TMEM200C: variants seen among roughly 807,000 people sequenced by gnomAD.
TMEM200C encodes the protein transmembrane protein 200C.
For missense variants in TMEM200C, 966 were observed against 699.9 expected (o/e 1.38, Z -4.29); for synonymous variants, 462 against 324.7 (o/e 1.42, Z -4.55).
At position 5,888,320 on chromosome 18, in the gene TMEM200C, C is replaced by G. The variant is rs142032717; in HGVS notation, c.*1878G>C. 384 of 152,300 alleles carry G rather than the reference C, an allele frequency of 2.5e-3. 3 individuals are homozygous for G. Among genetic ancestry groups the G allele is most frequent in the African/African-American group, 8.5e-3 (355 of 41,550 alleles). 9.4% of individuals were successfully genotyped at this position (152,300 alleles called of 1,614,324 possible). ...TAGAAGAGCCCAATATATTAATCTA[C>G]AGCCTTAAAGTGAGTTACCGGTTTA... On this transcript the variant is annotated 3_prime_UTR_variant, in exon 3 of 3. Coordinates refer to ENST00000581347, the Ensembl canonical transcript of TMEM200C.
chr18:5,891,354 G>T lies in TMEM200C; in HGVS notation c.710C>A (p.Pro237His), dbSNP rs1282994571. 8.3e-6 allele frequency: 11 copies of T among 1,329,550 alleles called. No individual in the cohort carries two copies. The highest frequency in any genetic ancestry group is 1.1e-5 in the Non-Finnish European group (11 of 1,043,356). 82.4% of individuals were successfully genotyped at this position (1,329,550 alleles called of 1,614,324 possible). A position where few individuals can be genotyped will look rare whatever the true frequency, so the allele number is the denominator to read the frequency against. The change falls in exon 3 of 3, where the codon CCC becomes CAC. Residue 237 changes from proline to histidine, a missense_variant. Transcript: ENST00000581347. The surrounding 1 kb of genome is among the most constrained non-coding windows in gnomAD (Gnocchi z 4.7). Reference sequence around the variant, plus strand: ...TATGGCCCCGGGGGGCGCCGCGGCGGGGGCAGACGACGACGAAGAGGCGGC... The same window carrying T: ...TATGGCCCCGGGGGGCGCCGCGGCGTGGGCAGACGACGACGAAGAGGCGGC...
chr18:5,890,445 A>G lies in TMEM200C; in HGVS notation c.1619T>C (p.Leu540Pro), dbSNP rs767495991. 4 of 1,577,460 alleles carry G rather than the reference A, an allele frequency of 2.5e-6. No individual in the cohort carries two copies. In the South Asian group the frequency reaches 4.7e-5, roughly 19 times the overall value. Reference sequence around the variant, plus strand: ...CTCGGTGGAGGTGCCGGCCTCCCGCAGGGGTGTGTAGCCCTTATTGCTGCT... The same window carrying G: ...CTCGGTGGAGGTGCCGGCCTCCCGCGGGGGTGTGTAGCCCTTATTGCTGCT... Residue 540 changes from leucine (L) to proline (P), a missense_variant, in exon 3 of 3, where the codon CTG (leucine) becomes CCG (proline). Physicochemically the swap from Leu to Pro is moderately conservative, Grantham distance 98. Coordinates refer to ENST00000581347, the Ensembl canonical transcript of TMEM200C.
exon 3 of TMEM200C, chr18:5,890,780 T>C (rs2095169766): frequency 1.6e-6 from 1 of 644,320 alleles, no homozygotes; most frequent in South Asian, 1.6e-5. Flanking sequence ...TGCTGCCCTC[T>C]GCGCCGCGGA....
chr18:5,891,703 C>G lies in TMEM200C; in HGVS notation c.361G>C (p.Gly121Arg). The stretch of plus-strand genomic sequence containing the variant: ...CCCGCGGAACTGGAGTTGACACCCC[C>G]TGGAGCCCTAGGGTGGCTCCTGGAC... Residue 121 changes from glycine to arginine, a missense_variant, in exon 3 of 3, where the codon GGG becomes CGG. Coordinates refer to ENST00000581347, the Ensembl canonical transcript of TMEM200C. The surrounding 1 kb of genome is among the most constrained non-coding windows in gnomAD (Gnocchi z 4.7). 1 of 1,613,564 alleles carries G rather than the reference C, an allele frequency of 6.2e-7. No homozygotes were observed. Among genetic ancestry groups the G allele is most frequent in the Non-Finnish European group, 8.5e-7 (1 of 1,179,840 alleles).
At chr18:5,895,607 C>T (rs1389637831) in intron 1 of TMEM200C, 85 bp from the exon 1 acceptor site, 3 of 146,494 alleles carry the variant, frequency 2.0e-5, no homozygotes, top group Non-Finnish European at 4.6e-5. Flanking sequence ...CGGCGCCCCC[C>T]CCCACGCCGC....
intron 1 of TMEM200C, 57 bp from the exon 1 acceptor site, chr18:5,895,579 CCGCCCCA>C (rs1964203861): frequency 7.2e-6 from 1 of 139,832 alleles, no homozygotes; most frequent in Non-Finnish European, 1.6e-5. Flanking sequence ...CCCCCGCCCC[CCGCCCCA>C]CCCCCTCCTC....
rs2095174575 is a variant in TMEM200C, at chr18:5,895,010, A to C, written c.-95+20T>G. Reference sequence around the variant, plus strand: ...TGCTCAAAATGGCAGCACTCTCCGCACGCAAGATCGCTCACTTACCCAGGG... The same window carrying C: ...TGCTCAAAATGGCAGCACTCTCCGCCCGCAAGATCGCTCACTTACCCAGGG... On this transcript the variant is annotated intron_variant, in intron 2 of 2. Transcript: ENST00000581347. 6.6e-6 allele frequency: 1 copy of C among 152,246 alleles called. No individual in the cohort carries two copies. The allele number at this position is 152,246 out of a possible 1,614,324, so 9.4% of individuals were successfully genotyped here.
exon 3 of TMEM200C, chr18:5,883,283 CT>C (rs2095163042): frequency 7.8e-6 from 1 of 128,268 alleles, no homozygotes; most frequent in Non-Finnish European, 1.7e-5. Flanking sequence ...CAAAATTATA[CT>C]TTTGTTAATA....
At chr18:5,890,366 G>C (rs763186852) in exon 3 of TMEM200C, 6 of 1,593,712 alleles carry the variant, frequency 3.8e-6, no homozygotes, top group East Asian at 2.3e-5. Flanking sequence ...CACCCAGAAC[G>C]GGGGCGGCCA....
chr18:5,882,885 C>T (rs553541289), exon 3 of TMEM200C: 1 of 152,078 alleles, frequency 6.6e-6, no homozygotes, highest in African/African-American at 2.4e-5. Context: ...GCTCCAAACA[C>T]ATTAACCTGC....
rs1406699232 is a variant in TMEM200C, at chr18:5,895,267, C to A, written c.-332G>T. The A allele has an allele frequency of 0.015, 1 of 68 alleles. No homozygotes were observed. Among genetic ancestry groups the A allele is most frequent in the African/African-American group, 0.05 (1 of 20 alleles). 0.0% of individuals were successfully genotyped at this position (68 alleles called of 1,614,324 possible). A position where few individuals can be genotyped will look rare whatever the true frequency, so the allele number is the denominator to read the frequency against. On this transcript the variant is annotated 5_prime_UTR_variant, in exon 2 of 3. It introduces an in-frame stop codon into an upstream open reading frame of the 5' UTR. Transcript: ENST00000581347. The stretch of plus-strand genomic sequence containing the variant: ...GAGTTTCCAAGAAGTGTCAGGTCCT[C>A]CGCATCCCGCATCCCGCATCCCGCC...
At chr18:5,895,603 C>G (rs1168273122) in intron 1 of TMEM200C, 81 bp from the exon 1 acceptor site, 1 of 102,170 alleles carries the variant, frequency 9.8e-6, no homozygotes, top group African/African-American at 5.9e-5. Flanking sequence ...CCTCCGGCGC[C>G]CCCCCCCACG....
chr18:5,890,459 C>T, exon 3 of TMEM200C: 1 of 1,574,142 alleles, frequency 6.4e-7, no homozygotes, highest in Non-Finnish European at 8.6e-7. Context: ...GTGTGTAGCC[C>T]TTATTGCTGC....
At position 5,891,795 on chromosome 18, in the gene TMEM200C, G is replaced by C. The variant is rs369941432; in HGVS notation, c.269C>G (p.Pro90Arg). 228 of 1,604,724 alleles carry C rather than the reference G, an allele frequency of 1.4e-4. No homozygotes were observed. Among genetic ancestry groups the C allele is most frequent in the Non-Finnish European group, 1.9e-4 (220 of 1,176,776 alleles). Residue 90 changes from proline (P) to arginine (R), a missense_variant, in exon 3 of 3, where the codon CCG becomes CGG. Physicochemically the swap from Pro to Arg is moderately radical, Grantham distance 103. Coordinates refer to ENST00000581347, the Ensembl canonical transcript of TMEM200C. The surrounding 1 kb of genome is among the most constrained non-coding windows in gnomAD (Gnocchi z 4.7). ...GACCCGGTGGCTGCTGCCCGCAGGC[G>C]GCAGCTGCTTACCCCCCTCCCGATT...
exon 3 of TMEM200C, chr18:5,890,738 G>A (rs1216829438): frequency 5.2e-6 from 3 of 574,092 alleles, no homozygotes; most frequent in South Asian, 4.2e-5. Context: ...CCGCGCCCTC[G>A]GGCTCCTCCG....
rs1285477028 is a variant in TMEM200C at position 5,891,320 on chromosome 18, G to A, written c.744C>T (p.Asn248=). The change falls in exon 3 of 3, where the codon AAC becomes AAT. Residue 248 remains asparagine, a synonymous_variant. Coordinates refer to ENST00000581347, the Ensembl canonical transcript of TMEM200C. This position sits in a 1 kb window ranked among gnomAD's most constrained non-coding sequence, Gnocchi z 4.7. The stretch of plus-strand genomic sequence containing the variant: ...GCGACTGCACGTAGCTGAGGAAGCC[G>A]TTGAGCGGTATGGCCCCGGGGGGCG... The A allele has an allele frequency of 1.4e-6, 2 of 1,402,506 alleles. No individual in the cohort carries two copies. Among genetic ancestry groups the A allele is most frequent in the Non-Finnish European group, 9.3e-7 (1 of 1,072,658 alleles). 86.9% of individuals were successfully genotyped at this position (1,402,506 alleles called of 1,614,324 possible). A position where few individuals can be genotyped will look rare whatever the true frequency, so the allele number is the denominator to read the frequency against.
chr18:5,892,303 G>A (rs2095172094), intron 2 of TMEM200C, 146 bp from the exon 2 acceptor site: 1 of 573,520 alleles, frequency 1.7e-6, no homozygotes, highest in Non-Finnish European at 3.1e-6. Context: ...GCCGTGTACA[G>A]AGGCTGGAGC....
At position 5,891,389 on chromosome 18, in the gene TMEM200C, G is replaced by GGCGGCGGCC. The variant is rs750010012; in HGVS notation, c.666_674dup (p.Ala228_Ala230dup). The GGCGGCGGCC allele has an allele frequency of 3.0e-6, 4 of 1,345,346 alleles. No homozygotes were observed. The highest frequency in any genetic ancestry group is 3.8e-6 in the Non-Finnish European group (4 of 1,053,018). The allele number at this position is 1,345,346 out of a possible 1,614,324, so 83.3% of individuals were successfully genotyped here. ...ACGACGAAGAGGCGGCGGCGGCCGC[G>GGCGGCGGCC]GCGGCGGCCGCGGCGGCCGCCAGGT... On this transcript the variant is annotated inframe_insertion, in exon 3 of 3. Coordinates refer to ENST00000581347, the Ensembl canonical transcript of TMEM200C. The surrounding 1 kb of genome is among the most constrained non-coding windows in gnomAD (Gnocchi z 4.7).
At chr18:5,892,083 G>A (rs1277196163) in exon 3 of TMEM200C, 3 of 1,602,744 alleles carry the variant, frequency 1.9e-6, no homozygotes, top group Non-Finnish European at 2.6e-6. Context: ...CTGGAGTGCA[G>A]GACTAGCCTC....
Sources: allele counts gnomAD v4.1 joint callset, GRCh38; gene constraint gnomAD v4.1.1; non-coding constraint Gnocchi (gnomAD v3.1); transcripts MANE v1.5; gene names NCBI Gene and HGNC (gene_info 2026-07-23, HGNC 2026-07-21).